The following PEBP1 variants were observed in gnomAD, a reference collection of about 807,000 sequenced individuals.
PEBP1 encodes the protein phosphatidylethanolamine-binding protein 1.
Under a neutral mutation model 22.7 loss-of-function variants are expected in PEBP1, and 17 were observed. The ratio of observed to expected loss-of-function variants is 0.75; its 90% CI spans 0.51 to 1.12. The LOEUF is 1.12. Among genes scored for constraint, PEBP1 ranks in the 50% most tolerant of loss-of-function variants. PEBP1 has a pLI of 0.00. For synonymous variants in PEBP1, 106 were observed against 104.3 expected, an observed-to-expected ratio of 1.02 and a Z score of -0.10; for missense variants, 205 against 243.5, an observed-to-expected ratio of 0.84 and a Z score of 1.05.
At position 118,144,895 on chromosome 12, in the gene PEBP1, G is replaced by GC. The variant is rs747036076; in HGVS notation, c.*98dup. Reference sequence around the variant, plus strand: ...TGTATAATAGATTTCTCCTCTTCCTGCCCCCCTTGGCATGGGTGAGACCTG... The same window carrying GC: ...TGTATAATAGATTTCTCCTCTTCCTGCCCCCCCTTGGCATGGGTGAGACCTG... On this transcript the variant is annotated 3_prime_UTR_variant, in exon 4 of 4. Coordinates refer to ENST00000261313, the MANE Select transcript of PEBP1 (RefSeq NM_002567.4). 14 of 1,587,880 alleles carry GC rather than the reference G, an allele frequency of 8.8e-6. No individual in the cohort carries two copies. The highest frequency in any genetic ancestry group is 3.4e-5 in the South Asian group (3 of 88,678).
At chr12:118,141,186 G>A (rs1458709585) in intron 3 of PEBP1, among the ~76,000 whole-genome samples, 7 of 151,290 alleles carry the variant, frequency 4.6e-5, no homozygotes, top group Admixed American at 3.3e-4. Flanking sequence ...GCGTGATCTC[G>A]GCTCACTACA....
chr12:118,140,787 C>G (rs1211775365), intron 3 of PEBP1, among the ~76,000 whole-genome samples: 1 of 152,088 alleles, frequency 6.6e-6, no homozygotes, highest in East Asian at 1.9e-4. Flanking sequence ...ATCTACCTGC[C>G]TCGGTCTCCC....
At position 118,144,706 on chromosome 12, in the gene PEBP1, A is replaced by G. The variant is rs1444758854; in HGVS notation, c.467A>G (p.Lys156Arg). 2 of 1,614,156 alleles carry G rather than the reference A, an allele frequency of 1.2e-6. No homozygotes were observed. The highest frequency in any genetic ancestry group is 2.2e-5 in the South Asian group (2 of 91,086). ...AAATTCAAGGTGGCGTCCTTCCGTA[A>G]AAAGTATGAGCTCAGGGCCCCGGTG... ...RGKFKVASFRKKYELRAPVAG... is the reference protein window; with the variant it reads ...RGKFKVASFRRKYELRAPVAG... Residue 156 changes from lysine to arginine, a missense_variant, in exon 4 of 4, where the codon AAA becomes AGA. Coordinates refer to ENST00000261313, the MANE Select transcript of PEBP1 (RefSeq NM_002567.4).
chr12:118,142,410 C>T (rs1486583451), intron 3 of PEBP1, among the ~76,000 whole-genome samples: 2 of 151,906 alleles, frequency 1.3e-5, no homozygotes. Flanking sequence ...GCAGGCTGGT[C>T]TTGAACTCCT....
In PEBP1 at chr12:118,144,931, T is replaced by C. The variant is rs555037475; in HGVS notation, c.*128T>C. 3 of 1,554,296 alleles carry C rather than the reference T, an allele frequency of 1.9e-6. No homozygotes were observed. The highest frequency in any genetic ancestry group is 1.3e-5 in the African/African-American group (1 of 74,106). On this transcript the variant is annotated 3_prime_UTR_variant, in exon 4 of 4. Transcript: ENST00000261313. ...CATGGGTGAGACCTGACCAGTCAGA[T>C]GGTAGTTGAGGGTGACTTTTCCTGC...
intron 3 of PEBP1, among the ~76,000 whole-genome samples, chr12:118,143,871 C>T (rs1418392268): frequency 1.3e-5 from 2 of 149,366 alleles, no homozygotes; most frequent in Non-Finnish European, 3.0e-5. Flanking sequence ...TGCCACTGCA[C>T]TCCACGCCTA....
chr12:118,139,284 C>A (rs2034093884), intron 2 of PEBP1, among the ~76,000 whole-genome samples, 167 bp from the exon 3 acceptor site: 1 of 149,460 alleles, frequency 6.7e-6, no homozygotes, highest in African/African-American at 2.5e-5. Flanking sequence ...TGCATTCCAG[C>A]CTGGGTGACA....
chr12:118,137,944 C>T, intron 1 of PEBP1, 95 bp from the exon 2 acceptor site: 1 of 813,710 alleles, frequency 1.2e-6, no homozygotes, highest in Non-Finnish European at 2.1e-6. Flanking sequence ...TCCTAGGCCT[C>T]CCAAAGTGCT....
rs962091475 is a variant in PEBP1 at position 118,136,862 on chromosome 12, G to A, written c.135+518G>A. ...TAAATGGGTCGAGAGCGTCCAGCCG[G>A]TACGCTGGAGGGCAACGGTTTAGTT... On this transcript the variant is annotated intron_variant, in intron 1 of 3. Coordinates refer to ENST00000261313, the MANE Select transcript of PEBP1 (RefSeq NM_002567.4). The surrounding 1 kb of genome is among the most constrained non-coding windows in gnomAD (Gnocchi z 5.6). Among the ~76,000 whole-genome samples, 1 of 152,202 alleles carries A rather than the reference G, an allele frequency of 6.6e-6. No homozygotes were observed. The highest frequency in any genetic ancestry group is 6.5e-5 in the Admixed American group (1 of 15,276).
rs1014068813 is a variant in PEBP1, at chr12:118,136,140, C to T, written c.-70C>T. On this transcript the variant is annotated 5_prime_UTR_variant, in exon 1 of 4. Transcript: ENST00000261313. This position sits in a 1 kb window ranked among gnomAD's most constrained non-coding sequence, Gnocchi z 5.6. The stretch of plus-strand genomic sequence containing the variant: ...TCCCGAGCCAGTGTGCTGAGCTCTC[C>T]GCGTCGCCTCTGTCGCCCGCGCCTG... The T allele has an allele frequency of 3.2e-5, 49 of 1,523,158 alleles. No homozygotes were observed. Among genetic ancestry groups the T allele is most frequent in the Non-Finnish European group, 4.0e-5 (45 of 1,137,344 alleles). 94.4% of individuals were successfully genotyped at this position (1,523,158 alleles called of 1,614,324 possible).
chr12:118,138,199 G>A (rs566118063), intron 2 of PEBP1, 51 bp downstream of exon 2: 8 of 1,225,684 alleles, frequency 6.5e-6, no homozygotes, highest in Non-Finnish European at 7.2e-6. Context: ...ATGAGTTATC[G>A]GGTGTAAGTC....
intron 1 of PEBP1, among the ~76,000 whole-genome samples, chr12:118,137,391 CA>C (rs142776665): frequency 6.6e-6 from 1 of 150,876 alleles, no homozygotes; most frequent in African/African-American, 2.4e-5. Context: ...CCCAACTCTA[CA>C]AAAAAAAATT....
At chr12:118,140,602 C>T (rs546568463) in intron 3 of PEBP1, among the ~76,000 whole-genome samples, 8 of 150,734 alleles carry the variant, frequency 5.3e-5, no homozygotes, top group African/African-American at 9.8e-5. Context: ...TGCAGTGGCA[C>T]GATCTCGCTC....
chr12:118,140,564 G>A (rs1197397530), intron 3 of PEBP1, among the ~76,000 whole-genome samples: 1 of 150,760 alleles, frequency 6.6e-6, no homozygotes, highest in African/African-American at 2.4e-5. Context: ...TTTTGAGATG[G>A]AGTCTTGCTC....
rs1370867126 is a variant in PEBP1, at chr12:118,145,169, A to T, written c.*366A>T. ...ATCAAAGAATCTTTAAGGGAGGTTTAAAAAAAAAAAAAAAAAAAAAGATTG... is the reference window on the plus strand; with the variant it reads ...ATCAAAGAATCTTTAAGGGAGGTTTTAAAAAAAAAAAAAAAAAAAAGATTG... On this transcript the variant is annotated 3_prime_UTR_variant, in exon 4 of 4. Transcript: ENST00000261313. 54 of 119,104 alleles carry T rather than the reference A, an allele frequency of 4.5e-4. No individual in the cohort carries two copies. The highest frequency in any genetic ancestry group is 2.9e-3 in the South Asian group (12 of 4,192). The allele number at this position is 119,104 out of a possible 1,614,324, so 7.4% of individuals were successfully genotyped here.
Position 118,136,650 on chromosome 12 carries a change from C to A in PEBP1, c.135+306C>A, listed in dbSNP as rs565415954. Among the ~76,000 whole-genome samples, 4 of 152,322 alleles carry A rather than the reference C, an allele frequency of 2.6e-5. No individual in the cohort carries two copies. Among genetic ancestry groups the A allele is most frequent in the African/African-American group, 9.6e-5 (4 of 41,582 alleles). ...AAACAGGCCGGATCCCCCTCTCCCC[C>A]CACAGGCCAGGGCGCTGGAGAGGGA... On this transcript the variant is annotated intron_variant, in intron 1 of 3. Coordinates refer to ENST00000261313, the MANE Select transcript of PEBP1 (RefSeq NM_002567.4). This position sits in a 1 kb window ranked among gnomAD's most constrained non-coding sequence, Gnocchi z 5.6.
intron 2 of PEBP1, 64 bp from the exon 3 acceptor site, chr12:118,139,387 C>A: frequency 9.3e-7 from 1 of 1,077,378 alleles, no homozygotes; most frequent in Non-Finnish European, 1.4e-6. Context: ...TGCCCAGTTG[C>A]TGACTGTGCA....
chr12:118,139,517 C>G lies in PEBP1; in HGVS notation c.312C>G (p.Ser104=). 1.2e-6 allele frequency: 2 copies of G among 1,613,328 alleles called. No homozygotes were observed. Among genetic ancestry groups the G allele is most frequent in the Middle Eastern group, 1.7e-4 (1 of 6,018 alleles). ...ACATCAGCAGTGGCACAGTCCTCTC[C>G]GATTATGTGGGCTCGGGGCCTCCCA... ...GNDISSGTVL[S]DYVGSGPPKG... is the part of the protein sequence containing the mutation. Residue 104 remains serine, a synonymous_variant, in exon 3 of 4, where the codon TCC becomes TCG. Transcript: ENST00000261313.
At chr12:118,144,525 A>G in intron 3 of PEBP1, 61 bp from the exon 4 acceptor site, 2 of 1,489,284 alleles carry the variant, frequency 1.3e-6, no homozygotes, top group Non-Finnish European at 1.8e-6. Context: ...ATAAAAATGG[A>G]TGATGTCCCC....
Sources: gnomAD v4.1 joint callset for allele counts (sites outside exome capture counted in the v4.1 genomes callset) on GRCh38, gnomAD v4.1.1 for gene constraint, Gnocchi (gnomAD v3.1) non-coding constraint, MANE v1.5 for transcripts, NCBI Gene and HGNC (gene_info 2026-07-23, HGNC 2026-07-21) for gene names.